The following PACSIN2 variants were observed in gnomAD, a reference collection of about 807,000 sequenced individuals.
PACSIN2 encodes protein kinase C and casein kinase substrate in neurons 2.
PACSIN2 carries 25 observed loss-of-function variants against 63.8 expected under a neutral mutation model. That is an observed-to-expected ratio of 0.39 (90% confidence interval 0.29 to 0.55). The LOEUF is 0.55. Among genes scored for constraint, PACSIN2 ranks in the 20% least tolerant of loss-of-function variants. PACSIN2 has a pLI of 0.62. For missense variants in PACSIN2, 518 were observed against 646.9 expected (o/e 0.80, Z 2.16); for synonymous variants, 255 against 256.2 (o/e 1.00, Z 0.05).
intron 1 of PACSIN2, among the ~76,000 whole-genome samples, chr22:42,956,044 G>A (rs556629142): frequency 2.6e-5 from 4 of 152,272 alleles, no homozygotes; most frequent in African/African-American, 7.2e-5. Flanking sequence ...TCAACATTTC[G>A]TCAAGTAAGC....
At chr22:42,978,720 T>C (rs1054147858) in intron 1 of PACSIN2, among the ~76,000 whole-genome samples, 4 of 152,172 alleles carry the variant, frequency 2.6e-5, no homozygotes, top group Admixed American at 6.5e-5. Flanking sequence ...CTGAGACATA[T>C]TCAAAAGTAT....
intron 1 of PACSIN2, among the ~76,000 whole-genome samples, chr22:42,963,442 G>A (rs1569510): frequency 0.61 from 92,485 of 152,046 alleles, 28,764 homozygotes; most frequent in East Asian, 0.78. Flanking sequence ...GGATTCTTTC[G>A]CCCAGCGGTC....
chr22:42,990,920 G>C (rs1255454854), intron 1 of PACSIN2, among the ~76,000 whole-genome samples: 1 of 152,168 alleles, frequency 6.6e-6, no homozygotes, highest in Non-Finnish European at 1.5e-5. Context: ...ACTTCTTCCA[G>C]ATGGTCACCT....
At chr22:42,996,746 C>CAGT in intron 1 of PACSIN2, among the ~76,000 whole-genome samples, 1 of 152,162 alleles carries the variant, frequency 6.6e-6, no homozygotes, top group South Asian at 2.1e-4. Flanking sequence ...AATGGACACA[C>CAGT]TGAATTTTTT....
At chr22:42,898,516 C>T (rs1026363592) in intron 2 of PACSIN2, among the ~76,000 whole-genome samples, 1 of 152,116 alleles carries the variant, frequency 6.6e-6, no homozygotes, top group Non-Finnish European at 1.5e-5. Context: ...GGTGATCTGC[C>T]CACCTCAGCC....
In PACSIN2 at chr22:42,965,399, G is replaced by A. The variant is rs556145700; in HGVS notation, c.-78+49622C>T. 3.3e-5 allele frequency among the ~76,000 whole-genome samples: 5 copies of A among 152,284 alleles called. No individual in the cohort carries two copies. The South Asian group carries it at 1.0e-3, about 32-fold the overall frequency. ...CCTAAAAGGATGCATTCAATTGTAT[G>A]TAAACTAATACCTCAATAAAGAGGA... On this transcript the variant is annotated intron_variant, in intron 1 of 10. Coordinates refer to ENST00000263246, the MANE Select transcript of PACSIN2 (RefSeq NM_001184970.3).
chr22:43,007,219 C>CTT lies in PACSIN2; in HGVS notation c.-78+7800_-78+7801dup, dbSNP rs532308992. ...GCCCCTCTCACACACACCTCTTGTT[C>CTT]TTTTTTTTTTTTTTTTTGAGACAGT... On this transcript the variant is annotated intron_variant, in intron 1 of 10. Transcript: ENST00000263246. Among the ~76,000 whole-genome samples, 805 of 137,850 alleles carry CTT rather than the reference C, an allele frequency of 5.8e-3. 12 individuals are homozygous for CTT. The highest frequency in any genetic ancestry group is 0.021 in the African/African-American group (779 of 37,236). 90.4% of individuals were successfully genotyped at this position (137,850 alleles called of 152,430 possible).
chr22:42,991,996 G>A (rs778211318), intron 1 of PACSIN2, among the ~76,000 whole-genome samples: 1 of 152,122 alleles, frequency 6.6e-6, no homozygotes, highest in Non-Finnish European at 1.5e-5. Flanking sequence ...AGCACAAGCC[G>A]TAAAAGAACA....
intron 1 of PACSIN2, among the ~76,000 whole-genome samples, chr22:42,968,146 C>T (rs1399993688): frequency 1.3e-5 from 2 of 152,104 alleles, no homozygotes; most frequent in African/African-American, 2.4e-5. Context: ...CTCTGACGGC[C>T]GAGTGTGTCC....
intron 2 of PACSIN2, 86 bp from the exon 3 acceptor site, chr22:42,893,699 C>T (rs1299787830): frequency 2.2e-6 from 3 of 1,354,250 alleles, no homozygotes; most frequent in South Asian, 2.6e-5. Flanking sequence ...GCCAACCAGG[C>T]CCTGATGCGC....
intron 1 of PACSIN2, among the ~76,000 whole-genome samples, chr22:42,941,132 G>A (rs1480589326): frequency 6.6e-6 from 1 of 152,194 alleles, no homozygotes; most frequent in Non-Finnish European, 1.5e-5. Flanking sequence ...AGATAAATGG[G>A]ATCATAACAT....
intron 1 of PACSIN2, among the ~76,000 whole-genome samples, chr22:43,011,299 G>A (rs1206521764): frequency 6.6e-6 from 1 of 152,178 alleles, no homozygotes; most frequent in South Asian, 2.1e-4. Context: ...AACTAAGCCA[G>A]CACTATTGCT....
intron 1 of PACSIN2, among the ~76,000 whole-genome samples, chr22:42,999,578 G>A (rs540675098): frequency 6.6e-6 from 1 of 152,160 alleles, no homozygotes; most frequent in Non-Finnish European, 1.5e-5. Context: ...CTGAAGAAGA[G>A]AATCGCTTGA....
intron 1 of PACSIN2, among the ~76,000 whole-genome samples, chr22:42,915,656 C>T (rs944634501): frequency 6.6e-6 from 1 of 152,162 alleles, no homozygotes; most frequent in Non-Finnish European, 1.5e-5. Flanking sequence ...AGACATTCTC[C>T]GAGATTATAT....
intron 5 of PACSIN2, among the ~76,000 whole-genome samples, chr22:42,886,491 G>A (rs1056981792): frequency 6.6e-6 from 1 of 151,882 alleles, no homozygotes; most frequent in Non-Finnish European, 1.5e-5. Flanking sequence ...TTAGAGATGA[G>A]GTCTCACTCT....
intron 3 of PACSIN2, among the ~76,000 whole-genome samples, chr22:42,891,542 A>G (rs1490576454): frequency 6.6e-6 from 1 of 152,116 alleles, no homozygotes; most frequent in East Asian, 1.9e-4. Context: ...CTGGGATTAC[A>G]GGTGCCCGCC....
intron 6 of PACSIN2, among the ~76,000 whole-genome samples, chr22:42,883,259 G>T (rs943673071): frequency 3.3e-5 from 5 of 152,142 alleles, no homozygotes; most frequent in Non-Finnish European, 7.4e-5. Context: ...CCCAGCCTCA[G>T]CTTCCTCATC....
intron 1 of PACSIN2, among the ~76,000 whole-genome samples, chr22:42,978,106 C>T (rs1483313613): frequency 6.6e-6 from 1 of 152,154 alleles, no homozygotes; most frequent in East Asian, 1.9e-4. Flanking sequence ...TTCATTCATC[C>T]CACAATGAGC....
chr22:42,986,906 A>T (rs1156630603), intron 1 of PACSIN2, among the ~76,000 whole-genome samples: 1 of 152,180 alleles, frequency 6.6e-6, no homozygotes. Context: ...TTTGATAGCC[A>T]CTGCCTATAT....
Sources: gnomAD v4.1 joint callset for allele counts (sites outside exome capture counted in the v4.1 genomes callset) on GRCh38, gnomAD v4.1.1 for gene constraint, MANE v1.5 for transcripts, NCBI Gene and HGNC (gene_info 2026-07-23, HGNC 2026-07-21) for gene names.